DLG2: variants seen among roughly 807,000 people sequenced by gnomAD.
DLG2 encodes disks large homolog 2.
A neutral mutation model predicts 132.5 loss-of-function variants in DLG2; 45 were observed. The ratio of observed to expected loss-of-function variants is 0.34; its 90% CI spans 0.27 to 0.44. DLG2 has a LOEUF of 0.44. Among genes scored for constraint, DLG2 ranks in the 20% least tolerant of loss-of-function variants. The pLI is 1.00. For missense variants in DLG2, 1,045 were observed against 1,196.9 expected (o/e 0.87, Z 1.87); for synonymous variants, 424 against 419.6 (o/e 1.01, Z -0.13).
intron 6 of DLG2, chr11:84,720,995 G>C (rs1294469839): frequency 6.6e-6 from 1 of 152,308 alleles, no homozygotes; most frequent in African/African-American, 2.4e-5. Context: ...TTGCCAGACT[G>C]GCCCTGCCTT....
intron 7 of DLG2, among the ~76,000 whole-genome samples, chr11:84,404,373 T>A (rs2154448762): frequency 6.6e-6 from 1 of 152,278 alleles, no homozygotes; most frequent in African/African-American, 2.4e-5. Flanking sequence ...ACTCAAATAC[T>A]ACCTCTTTGA....
intron 10 of DLG2, among the ~76,000 whole-genome samples, chr11:84,093,952 CT>C (rs534014624): frequency 0.026 from 3,846 of 145,682 alleles, 154 homozygotes; most frequent in African/African-American, 0.087. Flanking sequence ...CACAGTGGGT[CT>C]TTTTTTTTTT....
intron 7 of DLG2, among the ~76,000 whole-genome samples, chr11:84,408,633 G>T (rs1279377163): frequency 2.0e-5 from 3 of 152,142 alleles, no homozygotes; most frequent in Non-Finnish European, 4.4e-5. Flanking sequence ...TATTGCAGAA[G>T]TGACTTCTTC....
chr11:83,768,761 C>T (rs894960461), intron 18 of DLG2, among the ~76,000 whole-genome samples: 3 of 152,264 alleles, frequency 2.0e-5, no homozygotes, highest in Admixed American at 6.5e-5. Context: ...CCATGAACTT[C>T]GCCCATACTA....
At chr11:84,680,942 C>T (rs2099727897) in intron 6 of DLG2, among the ~76,000 whole-genome samples, 1 of 152,098 alleles carries the variant, frequency 6.6e-6, no homozygotes, top group Admixed American at 6.6e-5. Context: ...AACAGTATTT[C>T]CCTCATTAAT....
chr11:84,101,280 G>C (rs1203737918), intron 9 of DLG2, among the ~76,000 whole-genome samples: 2 of 152,022 alleles, frequency 1.3e-5, no homozygotes, highest in African/African-American at 4.8e-5. Flanking sequence ...GGTGAGAAAG[G>C]GTATGCCACA....
At chr11:85,565,875 T>C (rs2077501335) in intron 3 of DLG2, among the ~76,000 whole-genome samples, 1 of 152,218 alleles carries the variant, frequency 6.6e-6, no homozygotes, top group African/African-American at 2.4e-5. Context: ...TACCATGAAG[T>C]AGAATTACTG....
intron 6 of DLG2, among the ~76,000 whole-genome samples, chr11:84,761,018 A>G (rs1190079080): frequency 6.6e-6 from 1 of 152,172 alleles, no homozygotes; most frequent in African/African-American, 2.4e-5. Context: ...GACACTGGGC[A>G]AGAGCTCAGG....
chr11:85,415,316 A>T (rs1342148052), intron 3 of DLG2, among the ~76,000 whole-genome samples: 1 of 152,218 alleles, frequency 6.6e-6, no homozygotes, highest in Non-Finnish European at 1.5e-5. Flanking sequence ...GCCACAATAA[A>T]CATACATGTG....
At chr11:84,899,125 A>G (rs1024565619) in intron 6 of DLG2, among the ~76,000 whole-genome samples, 2 of 152,100 alleles carry the variant, frequency 1.3e-5, no homozygotes, top group African/African-American at 4.8e-5. Context: ...AGAGAATTAA[A>G]TAAATAAAAC....
chr11:84,773,209 A>C (rs1284411967), intron 6 of DLG2, among the ~76,000 whole-genome samples: 1 of 152,188 alleles, frequency 6.6e-6, no homozygotes, highest in Non-Finnish European at 1.5e-5. Flanking sequence ...GGAAACATAC[A>C]ACCTCCCAAG....
At chr11:83,863,077 T>C (rs1057093635) in intron 16 of DLG2, among the ~76,000 whole-genome samples, 4 of 152,178 alleles carry the variant, frequency 2.6e-5, no homozygotes, top group Admixed American at 6.6e-5. Flanking sequence ...ACTGGCATTG[T>C]GTATGTAACA....
rs58854483 is a variant in DLG2, at chr11:84,257,318, C to T, written c.520-6027G>A. ...TCCACATCTCTAGGTGCTAGTAGGA[C>T]CCTACTCCTATTTGGAGGATTTACT... On this transcript the variant is annotated intron_variant, in intron 7 of 27. Coordinates refer to ENST00000376104, the MANE Select transcript of DLG2 (RefSeq NM_001142699.3). Among the ~76,000 whole-genome samples the T allele has an allele frequency of 8.9e-3, 1,353 of 152,226 alleles. 17 individuals are homozygous for T. Among genetic ancestry groups the T allele is most frequent in the African/African-American group, 0.029 (1,209 of 41,532 alleles).
intron 6 of DLG2, among the ~76,000 whole-genome samples, chr11:84,835,610 G>C (rs1021863173): frequency 2.0e-5 from 3 of 151,658 alleles, no homozygotes; most frequent in Admixed American, 1.3e-4. Flanking sequence ...TGAACAACAT[G>C]TACAAATGCC....
chr11:83,696,733 A>C (rs7933581), intron 18 of DLG2, among the ~76,000 whole-genome samples: 44,114 of 152,046 alleles, frequency 0.29, 8,295 homozygotes, highest in African/African-American at 0.54. Flanking sequence ...TGAGTAAATG[A>C]CTATGTGCAG....
At chr11:83,503,394 T>G (rs367555248) in intron 21 of DLG2, among the ~76,000 whole-genome samples, 4 of 44,898 alleles carry the variant, frequency 8.9e-5, no homozygotes, top group Admixed American at 4.6e-4. Flanking sequence ...TATATATATA[T>G]ATATATATAT....
At chr11:84,916,538 G>T (rs962450969) in intron 6 of DLG2, among the ~76,000 whole-genome samples, 1 of 151,956 alleles carries the variant, frequency 6.6e-6, no homozygotes, top group Admixed American at 6.6e-5. Context: ...ATACAGAATT[G>T]AACAACTTGT....
intron 18 of DLG2, among the ~76,000 whole-genome samples, chr11:83,734,667 T>A (rs1393828038): frequency 6.6e-6 from 1 of 152,136 alleles, no homozygotes; most frequent in African/African-American, 2.4e-5. Flanking sequence ...GCTAGGCTCA[T>A]CTTGAACTCA....
Position 85,598,751 on chromosome 11 carries a change from GC to G in DLG2, c.-56del. The G allele has an allele frequency of 6.8e-7, 1 of 1,479,642 alleles. No homozygotes were observed. Among genetic ancestry groups the G allele is most frequent in the Non-Finnish European group, 9.2e-7 (1 of 1,091,500 alleles). 91.7% of individuals were successfully genotyped at this position (1,479,642 alleles called of 1,614,324 possible). On this transcript the variant is annotated 5_prime_UTR_variant, in exon 3 of 28. Coordinates refer to ENST00000376104, the MANE Select transcript of DLG2 (RefSeq NM_001142699.3). Reference sequence around the variant, plus strand: ...GCTCCTCTGGTTTCCTTAATTTTTTGCAGTATTCTTCCAGTAATGATAAAGC... The same window carrying G: ...GCTCCTCTGGTTTCCTTAATTTTTTGAGTATTCTTCCAGTAATGATAAAGC...
Sources: gnomAD v4.1 joint callset for allele counts (sites outside exome capture counted in the v4.1 genomes callset) on GRCh38, gnomAD v4.1.1 for gene constraint, MANE v1.5 for transcripts, NCBI Gene and HGNC (gene_info 2026-07-23, HGNC 2026-07-21) for gene names.